PTPRT: variants seen among roughly 807,000 people sequenced by gnomAD.
The protein encoded by PTPRT is receptor-type tyrosine-protein phosphatase T.
In PTPRT, 56 loss-of-function variants were observed where a neutral mutation model predicts 176.8. That is an observed-to-expected ratio of 0.32 (90% CI 0.26 to 0.40). PTPRT has a LOEUF of 0.40. Among genes scored for constraint, PTPRT ranks in the 10% least tolerant of loss-of-function variants. The pLI, the probability that PTPRT is intolerant of heterozygous loss-of-function variation, is 1.00. For missense variants in PTPRT, 1,540 were observed against 1,908.2 expected (o/e 0.81, Z 3.60); for synonymous variants, 783 against 739.0 (o/e 1.06, Z -0.96).
intron 19 of PTPRT, among the ~76,000 whole-genome samples, chr20:42,125,220 C>T (rs903960083): frequency 2.6e-5 from 4 of 152,160 alleles, no homozygotes; most frequent in Non-Finnish European, 5.9e-5. Context: ...CCCTGGGTAC[C>T]CACTTTGGGG....
At chr20:42,657,010 C>A (rs1405767665) in intron 7 of PTPRT, among the ~76,000 whole-genome samples, 2 of 152,104 alleles carry the variant, frequency 1.3e-5, no homozygotes, top group Non-Finnish European at 2.9e-5. Context: ...CCCCATGTGT[C>A]GAGGGTGGGA....
chr20:42,459,964 C>A (rs2070990657), intron 8 of PTPRT, among the ~76,000 whole-genome samples: 1 of 152,174 alleles, frequency 6.6e-6, no homozygotes, highest in African/African-American at 2.4e-5. Flanking sequence ...TCAGTTCTGA[C>A]AAAAGTGAGA....
intron 1 of PTPRT, among the ~76,000 whole-genome samples, chr20:43,089,169 A>C (rs557704726): frequency 1.3e-5 from 2 of 152,216 alleles, no homozygotes; most frequent in Non-Finnish European, 2.9e-5. Flanking sequence ...ATTATCCCCA[A>C]CTAATAAATG....
chr20:42,725,032 T>C (rs2076359145), intron 6 of PTPRT, among the ~76,000 whole-genome samples: 1 of 151,674 alleles, frequency 6.6e-6, no homozygotes, highest in Non-Finnish European at 1.5e-5. Flanking sequence ...TGTGTGTGTG[T>C]GTGTGTGTGT....
chr20:42,303,008 C>T (rs1240575651), intron 12 of PTPRT, among the ~76,000 whole-genome samples: 2 of 152,200 alleles, frequency 1.3e-5, no homozygotes, highest in Non-Finnish European at 2.9e-5. Flanking sequence ...GACTTTGAGG[C>T]TGTGTACAAA....
chr20:42,371,942 T>G lies in PTPRT; in HGVS notation c.1561-19657A>C, dbSNP rs2058592450. Among the ~76,000 whole-genome samples, 3 of 152,124 alleles carry G rather than the reference T, an allele frequency of 2.0e-5. No homozygotes were observed. In the South Asian group the frequency reaches 6.2e-4, roughly 31 times the overall value. ...GGTTGGGGCTGAGTCTCCATGTAGG[T>G]TGGTCCAGAATGTAGTCAGGACATC... is the stretch of plus-strand genomic sequence containing the variant. On this transcript the variant is annotated intron_variant, in intron 9 of 30. Transcript: ENST00000373187.
chr20:42,245,854 A>C (rs1600723671), intron 14 of PTPRT, among the ~76,000 whole-genome samples: 1 of 152,076 alleles, frequency 6.6e-6, no homozygotes, highest in South Asian at 2.1e-4. Flanking sequence ...CAGAAAAAAA[A>C]CCCCGGAAAG....
At chr20:42,517,233 A>AT (rs200486020) in intron 7 of PTPRT, among the ~76,000 whole-genome samples, 1,851 of 151,050 alleles carry the variant, frequency 0.012, 35 homozygotes, top group African/African-American at 0.043. Context: ...GACTGCTCAG[A>AT]TTTTTTTTTC....
chr20:42,048,281 T>C, the PTPRT span, among the ~76,000 whole-genome samples: 1 of 152,126 alleles, frequency 6.6e-6, no homozygotes, highest in East Asian at 1.9e-4. Context: ...GCTGGCTCTG[T>C]TGTTGTATAT....
chr20:42,505,285 G>A (rs76268279), intron 7 of PTPRT, among the ~76,000 whole-genome samples: 2,829 of 152,126 alleles, frequency 0.019, 225 homozygotes, highest in Admixed American at 0.14. Context: ...TAAGTTCAGA[G>A]CTACTCCTGT....
At chr20:42,204,964 G>T (rs1292664305) in intron 15 of PTPRT, among the ~76,000 whole-genome samples, 1 of 145,446 alleles carries the variant, frequency 6.9e-6, no homozygotes, top group Non-Finnish European at 1.5e-5. Context: ...TTGATACAAC[G>T]AAGGAATTTC....
chr20:42,642,473 G>T (rs1194659690), intron 7 of PTPRT, among the ~76,000 whole-genome samples: 1 of 152,070 alleles, frequency 6.6e-6, no homozygotes, highest in Non-Finnish European at 1.5e-5. Context: ...TAATCTTGAT[G>T]GTGACAACAA....
At chr20:42,316,050 C>T (rs2145376941) in intron 11 of PTPRT, 54 bp from the exon 12 acceptor site, 2 of 1,582,056 alleles carry the variant, frequency 1.3e-6, no homozygotes, top group South Asian at 1.1e-5. Context: ...GAAGAATGAG[C>T]TTGTTAGCTC....
At chr20:42,875,813 C>T (rs1009149254) in intron 2 of PTPRT, among the ~76,000 whole-genome samples, 5 of 152,338 alleles carry the variant, frequency 3.3e-5, no homozygotes, top group Admixed American at 6.5e-5. Context: ...GTCCTGCCTC[C>T]ACCATATGCT....
intron 8 of PTPRT, among the ~76,000 whole-genome samples, chr20:42,460,665 A>C (rs984148396): frequency 6.6e-6 from 1 of 152,152 alleles, no homozygotes; most frequent in African/African-American, 2.4e-5. Flanking sequence ...ATAGTGAGTG[A>C]GTTCTCAGGA....
At chr20:42,268,919 T>C (rs998803300) in intron 13 of PTPRT, among the ~76,000 whole-genome samples, 1 of 152,068 alleles carries the variant, frequency 6.6e-6, no homozygotes, top group Non-Finnish European at 1.5e-5. Context: ...CACAAATACC[T>C]CCCTTCCTAG....
At chr20:42,507,991 A>G (rs1040933236) in intron 7 of PTPRT, among the ~76,000 whole-genome samples, 2 of 151,980 alleles carry the variant, frequency 1.3e-5, no homozygotes, top group African/African-American at 2.4e-5. Context: ...TGGCACTTTC[A>G]TTAACGTATT....
At chr20:42,815,393 A>G (rs527863991) in intron 2 of PTPRT, among the ~76,000 whole-genome samples, 1 of 152,218 alleles carries the variant, frequency 6.6e-6, no homozygotes, top group Non-Finnish European at 1.5e-5. Context: ...AGGGATTGCC[A>G]ACACCAAGGA....
chr20:42,577,837 CTGTGTGTGTGTG>C (rs11468271), intron 7 of PTPRT, among the ~76,000 whole-genome samples: 2 of 139,348 alleles, frequency 1.4e-5, no homozygotes, highest in African/African-American at 2.7e-5. Flanking sequence ...CTGAGCAAGG[CTGTGTGTGTGTG>C]TGTGTGTGTG....
Sources: allele counts gnomAD v4.1 joint callset (sites outside exome capture counted in the v4.1 genomes callset), GRCh38; gene constraint gnomAD v4.1.1; transcripts MANE v1.5; gene names NCBI Gene and HGNC (gene_info 2026-07-23, HGNC 2026-07-21).